The following CDC40 variants were observed in gnomAD, a reference collection of about 807,000 sequenced individuals.
CDC40 encodes the protein pre-mRNA-processing factor 17.
In CDC40, 27 loss-of-function variants were observed where a neutral mutation model predicts 80.6. The observed-to-expected ratio is 0.33, with a 90% confidence interval of 0.25 to 0.46. CDC40 has a LOEUF of 0.46. Ranked by LOEUF, CDC40 falls within the 20% of genes least tolerant of loss-of-function variation. The pLI is 1.00. For synonymous variants in CDC40, 221 were observed against 232.6 expected (o/e 0.95, Z 0.45); for missense variants, 486 against 694.1 (o/e 0.70, Z 3.37).
intron 3 of CDC40, among the ~76,000 whole-genome samples, chr6:110,206,086 G>A (rs2114660457): frequency 6.6e-6 from 1 of 152,306 alleles, no homozygotes; most frequent in African/African-American, 2.4e-5. Flanking sequence ...TGAAAAGCAT[G>A]CTTCATGATG....
intron 4 of CDC40, 21 bp from the exon 5 acceptor site, chr6:110,209,063 A>ATTTTTTTTTTTTTTTTTTTTT: frequency 3.2e-6 from 4 of 1,247,398 alleles, no homozygotes; most frequent in Non-Finnish European, 3.3e-6. Flanking sequence ...TTTTTTTTTA[A>ATTTTTTTTTTTTTTTTTTTTT]TTTTTTTTTT....
At chr6:110,191,044 A>G (rs1322958864) in intron 1 of CDC40, among the ~76,000 whole-genome samples, 2 of 152,216 alleles carry the variant, frequency 1.3e-5, no homozygotes, top group Admixed American at 6.5e-5. Context: ...TGGGCAGTTT[A>G]GAGAGGAGAG....
rs1217355724 is a variant in CDC40 at position 110,231,863 on chromosome 6, G to A, written c.*1732G>A. ...AATTTCATAGAAAAAGAATAAAAGC[G>A]GAGATATATTTTTTGACACAGAGGC... On this transcript the variant is annotated 3_prime_UTR_variant, in exon 15 of 15. Transcript: ENST00000307731. 5.5e-5 allele frequency: 8 copies of A among 145,578 alleles called. No individual in the cohort carries two copies. The highest frequency in any genetic ancestry group is 3.9e-4 in the East Asian group (2 of 5,102). The allele number at this position is 145,578 out of a possible 1,614,324, so 9.0% of individuals were successfully genotyped here.
chr6:110,221,371 A>G (rs956804200), intron 12 of CDC40, among the ~76,000 whole-genome samples: 16 of 152,158 alleles, frequency 1.1e-4, no homozygotes, highest in Admixed American at 6.5e-4. Flanking sequence ...GTCCCTAACC[A>G]TTGTCAGGAC....
chr6:110,207,314 CA>C (rs869177206), intron 3 of CDC40, among the ~76,000 whole-genome samples, 191 bp from the exon 4 acceptor site: 3,003 of 52,494 alleles, frequency 0.057, 39 homozygotes, highest in African/African-American at 0.13. Flanking sequence ...GACCCTATCT[CA>C]AAAAAAAAAA....
At chr6:110,214,438 G>A (rs1054656076) in intron 8 of CDC40, among the ~76,000 whole-genome samples, 1 of 152,146 alleles carries the variant, frequency 6.6e-6, no homozygotes, top group African/African-American at 2.4e-5. Context: ...TTAGTAAGTT[G>A]GTTAACTAAG....
chr6:110,204,659 CTTTTTT>C (rs55895216), intron 3 of CDC40, among the ~76,000 whole-genome samples: 4 of 119,302 alleles, frequency 3.4e-5, no homozygotes, highest in Non-Finnish European at 5.1e-5. Context: ...TCCTATTTCT[CTTTTTT>C]TTTTTTTTTT....
Position 110,180,576 on chromosome 6 carries a change from T to A in CDC40, c.132T>A (p.Pro44=). The change falls in exon 1 of 15, where the codon CCT becomes CCA. Residue 44 remains proline (P), a synonymous_variant. Transcript: ENST00000307731. ...ADSLMHLTKS[P]SSKPSLAVAV... Reference sequence around the variant, plus strand: ...CCCTCATGCACTTGACTAAATCGCCTTCATCAAAGCCGTCTCTAGCAGTGG... The same window carrying A: ...CCCTCATGCACTTGACTAAATCGCCATCATCAAAGCCGTCTCTAGCAGTGG... The A allele has an allele frequency of 6.2e-7, 1 of 1,614,186 alleles. No homozygotes were observed. Among genetic ancestry groups the A allele is most frequent in the Non-Finnish European group, 8.5e-7 (1 of 1,180,014 alleles).
Position 110,228,815 on chromosome 6 carries a change from A to G in CDC40, c.1418-17A>G. 1 of 1,561,208 alleles carries G rather than the reference A, an allele frequency of 6.4e-7. No individual in the cohort carries two copies. The highest frequency in any genetic ancestry group is 8.6e-7 in the Non-Finnish European group (1 of 1,162,518). On this transcript the variant is annotated splice_polypyrimidine_tract_variant and intron_variant, in intron 13 of 14. Coordinates refer to ENST00000307731, the MANE Select transcript of CDC40 (RefSeq NM_015891.3). Reference sequence around the variant, plus strand: ...TTTTAGTCTTCCTCTAAAATACCTCATTTATTGAATTTACAGGAAAATGGC... The same window carrying G: ...TTTTAGTCTTCCTCTAAAATACCTCGTTTATTGAATTTACAGGAAAATGGC...
At chr6:110,180,771 C>T in intron 1 of CDC40, 138 bp downstream of exon 1, 1 of 644,502 alleles carries the variant, frequency 1.6e-6, no homozygotes, top group Non-Finnish European at 2.7e-6. Context: ...CTTCTCCTTC[C>T]CACATGCATC....
Position 110,212,013 on chromosome 6 carries a change from TA to T in CDC40, c.728-119del, listed in dbSNP as rs568809440. On this transcript the variant is annotated intron_variant, in intron 6 of 14. Coordinates refer to ENST00000307731, the MANE Select transcript of CDC40 (RefSeq NM_015891.3). ...CATGATCTTGACATCATTGGAGTGTTATTACCTAAACCTTAATATGGAATGA... is the reference window on the plus strand; with the variant it reads ...CATGATCTTGACATCATTGGAGTGTTTTACCTAAACCTTAATATGGAATGA... The T allele has an allele frequency of 2.1e-3, 1,625 of 756,452 alleles. 27 individuals carry two copies. In the African/African-American group the frequency reaches 0.026, roughly 12 times the overall value. 46.9% of individuals were successfully genotyped at this position (756,452 alleles called of 1,614,324 possible).
chr6:110,228,225 A>G (rs747740216), intron 13 of CDC40, among the ~76,000 whole-genome samples: 9 of 152,210 alleles, frequency 5.9e-5, no homozygotes, highest in Non-Finnish European at 1.2e-4. Context: ...ATCTTATGGG[A>G]CCACTGTCAT....
chr6:110,215,800 G>A (rs1777692746), intron 9 of CDC40, among the ~76,000 whole-genome samples: 2 of 152,126 alleles, frequency 1.3e-5, no homozygotes, highest in South Asian at 4.1e-4. Context: ...CTGGAGGAAG[G>A]GAAATTAATT....
At chr6:110,206,607 T>C (rs969365576) in intron 3 of CDC40, among the ~76,000 whole-genome samples, 4 of 152,214 alleles carry the variant, frequency 2.6e-5, no homozygotes, top group Admixed American at 2.0e-4. Flanking sequence ...CTGGTAGATA[T>C]CCTTCCTTCT....
chr6:110,190,294 G>GA (rs1445516149), intron 1 of CDC40, among the ~76,000 whole-genome samples: 1 of 152,192 alleles, frequency 6.6e-6, no homozygotes, highest in East Asian at 1.9e-4. Context: ...CTACAGCACA[G>GA]AAAGCATCAA....
At chr6:110,226,145 A>T (rs1199472064) in intron 12 of CDC40, 22 bp from the exon 13 acceptor site, 3 of 1,416,806 alleles carry the variant, frequency 2.1e-6, no homozygotes, top group Admixed American at 1.7e-5. Context: ...GCTTATTCTG[A>T]TATGCTATTT....
chr6:110,193,697 G>A (rs1022814108), intron 2 of CDC40, among the ~76,000 whole-genome samples: 2 of 152,150 alleles, frequency 1.3e-5, no homozygotes, highest in African/African-American at 2.4e-5. Flanking sequence ...GAGCCACTGC[G>A]CCCAGCCGAA....
At chr6:110,213,242 G>A in intron 8 of CDC40, 82 bp downstream of exon 8, 2 of 920,532 alleles carry the variant, frequency 2.2e-6, no homozygotes, top group Admixed American at 3.6e-5. Flanking sequence ...AATAAATTTG[G>A]GTTTGTTAGG....
chr6:110,183,724 GATT>G (rs1341593230), intron 1 of CDC40, among the ~76,000 whole-genome samples: 15 of 152,224 alleles, frequency 9.9e-5, no homozygotes, highest in Admixed American at 9.8e-4. Context: ...ATTGTATTAT[GATT>G]AATAGCAAGC....
Sources: allele counts gnomAD v4.1 joint callset (sites outside exome capture counted in the v4.1 genomes callset), GRCh38; gene constraint gnomAD v4.1.1; transcripts MANE v1.5; gene names NCBI Gene and HGNC (gene_info 2026-07-23, HGNC 2026-07-21).